The following ASH1L variants were observed in gnomAD, a reference collection of about 807,000 sequenced individuals.
ASH1L encodes the protein histone-lysine N-methyltransferase ASH1L.
In ASH1L, 23 loss-of-function variants were observed where a neutral mutation model predicts 269.0. That is an observed-to-expected ratio of 0.09 (90% CI 0.06 to 0.12). The LOEUF is 0.12. ASH1L is among the 10% of genes least tolerant of loss of function. ASH1L has a pLI of 1.00. For missense variants in ASH1L, 2,912 were observed against 3,567.8 expected (o/e 0.82, Z 4.68); for synonymous variants, 1,187 against 1,253.5 (o/e 0.95, Z 1.12).
rs1228257284 is a variant in ASH1L at position 155,492,390 on chromosome 1, T to A, written c.421-9941A>T. 2.6e-5 allele frequency among the ~76,000 whole-genome samples: 4 copies of A among 152,232 alleles called. No individual in the cohort carries two copies. In the South Asian group the frequency reaches 8.3e-4, roughly 32 times the overall value. ...ATCATGTCCTTCTAGACGACAATCT[T>A]CACTACACTTTCAATTAATTATTTT... On this transcript the variant is annotated intron_variant, in intron 2 of 27. Transcript: ENST00000392403.
chr1:155,409,823 C>G (rs1659616724), intron 6 of ASH1L, among the ~76,000 whole-genome samples: 1 of 151,820 alleles, frequency 6.6e-6, no homozygotes. Context: ...CAAAGAAATC[C>G]AAAATGAAGG....
intron 6 of ASH1L, among the ~76,000 whole-genome samples, chr1:155,413,056 A>AC (rs1659928567): frequency 6.6e-6 from 1 of 152,164 alleles, no homozygotes; most frequent in Non-Finnish European, 1.5e-5. Flanking sequence ...TTTATTTAGC[A>AC]GAAAAGTTGA....
chr1:155,512,448 C>CTTTTT (rs1217608016), intron 2 of ASH1L, among the ~76,000 whole-genome samples: 2 of 93,694 alleles, frequency 2.1e-5, no homozygotes, highest in Non-Finnish European at 4.0e-5. Flanking sequence ...GGATCTTAGA[C>CTTTTT]TTTTTTTTTT....
chr1:155,481,530 T>A lies in ASH1L; in HGVS notation c.1340A>T (p.Gln447Leu). 6.2e-7 allele frequency: 1 copy of A among 1,614,192 alleles called. No individual in the cohort carries two copies. The highest frequency in any genetic ancestry group is 1.3e-5 in the African/African-American group (1 of 75,060). ...GGATTCAGAAAGTTCCTGACTTTCC[T>A]GATTATTGATGTTTGTACTACAAGA... ...KASCSTNINN[Q>L]ESQELSESLK... Residue 447 changes from glutamine to leucine, a missense_variant, in exon 3 of 28, where the codon CAG becomes CTG. Coordinates refer to ENST00000392403, the MANE Select transcript of ASH1L (RefSeq NM_018489.3).
chr1:155,376,918 T>G lies in ASH1L; in HGVS notation c.6332+1363A>C, dbSNP rs73008961. On this transcript the variant is annotated intron_variant, in intron 10 of 27. Transcript: ENST00000392403. ...GTCATAACTCATAATTCTTTTTTTTTGGGGGGGAGATGGAGTTTCCCTCTT... is the reference window on the plus strand; with the variant it reads ...GTCATAACTCATAATTCTTTTTTTTGGGGGGGGAGATGGAGTTTCCCTCTT... Among the ~76,000 whole-genome samples the G allele has an allele frequency of 3.4e-3, 511 of 150,972 alleles. 3 individuals carry two copies. The highest frequency in any genetic ancestry group is 7.7e-3 in the African/African-American group (316 of 41,248).
chr1:155,378,028 A>C (rs138898231), intron 10 of ASH1L, among the ~76,000 whole-genome samples: 2,992 of 151,932 alleles, frequency 0.02, 40 homozygotes, highest in African/African-American at 0.033. Flanking sequence ...GTCTCAAAAA[A>C]AAAACAAAAC....
chr1:155,483,828 G>A (rs964826898), intron 2 of ASH1L, among the ~76,000 whole-genome samples: 3 of 151,998 alleles, frequency 2.0e-5, no homozygotes, highest in African/African-American at 7.2e-5. Flanking sequence ...AACAAAAGTA[G>A]GAGGAGTAGG....
In ASH1L at chr1:155,481,018, C is replaced by G. The variant is rs1218824264; in HGVS notation, c.1852G>C (p.Val618Leu). 1 of 1,613,908 alleles carries G rather than the reference C, an allele frequency of 6.2e-7. No homozygotes were observed. The change falls in exon 3 of 28, where the codon GTT becomes CTT. Residue 618 changes from valine (V) to leucine (L), a missense_variant. By Grantham distance (32) the Val-to-Leu change is conservative. This residue lies in a region of ASH1L where 715 missense variants were observed against 721.0 expected (regional missense o/e 0.99). Coordinates refer to ENST00000392403, the MANE Select transcript of ASH1L (RefSeq NM_018489.3). ...STHLNVGHRS[V>L]GHSISIECKG... Reference sequence around the variant, plus strand: ...CATTCAATACTTATACTATGACCAACTGACCTATGACCAACGTTCAAGTGG... The same window carrying G: ...CATTCAATACTTATACTATGACCAAGTGACCTATGACCAACGTTCAAGTGG...
chr1:155,522,191 G>A (rs927303987), intron 1 of ASH1L, among the ~76,000 whole-genome samples: 7 of 152,160 alleles, frequency 4.6e-5, no homozygotes, highest in Non-Finnish European at 8.8e-5. Flanking sequence ...TTTTAGAAGA[G>A]ATTATCAGGC....
chr1:155,556,425 TG>T (rs1671593067), intron 1 of ASH1L, among the ~76,000 whole-genome samples: 1 of 151,632 alleles, frequency 6.6e-6, no homozygotes, highest in African/African-American at 2.4e-5. Context: ...TGTGTGTGTG[TG>T]TGTGTGTGTG....
chr1:155,493,573 A>G (rs1666952451), intron 2 of ASH1L, among the ~76,000 whole-genome samples: 1 of 152,228 alleles, frequency 6.6e-6, no homozygotes, highest in Non-Finnish European at 1.5e-5. Flanking sequence ...CTTCATCAAT[A>G]ATTCATTTTT....
Position 155,416,998 on chromosome 1 carries a change from C to T in ASH1L, c.5829-1075G>A, listed in dbSNP as rs1159686091. On this transcript the variant is annotated intron_variant, in intron 5 of 27. Transcript: ENST00000392403. ...CCAGGCTGGAGTGCAGTGGTGTGAT[C>T]TCGGCTCACTGCAACCTCCGCCTCC... Among the ~76,000 whole-genome samples the T allele has an allele frequency of 2.1e-5, 3 of 145,054 alleles. No individual in the cohort carries two copies. The East Asian group carries it at 6.2e-4, about 30-fold the overall frequency.
At chr1:155,472,546 T>C (rs1665182014) in intron 3 of ASH1L, among the ~76,000 whole-genome samples, 1 of 152,286 alleles carries the variant, frequency 6.6e-6, no homozygotes, top group Middle Eastern at 3.4e-3. Flanking sequence ...CTCCTTCTCA[T>C]GACTCTGAAA....
At chr1:155,390,632 T>TC (rs538641218) in intron 7 of ASH1L, among the ~76,000 whole-genome samples, 1,787 of 98,290 alleles carry the variant, frequency 0.018, 20 homozygotes, top group South Asian at 0.03. Flanking sequence ...AATATCATTC[T>TC]CCCCCCCCCC....
At chr1:155,462,610 T>C (rs1386334205) in intron 3 of ASH1L, among the ~76,000 whole-genome samples, 1 of 152,162 alleles carries the variant, frequency 6.6e-6, no homozygotes, top group Non-Finnish European at 1.5e-5. Flanking sequence ...CTGAAACAAT[T>C]GAGAGAGAGA....
chr1:155,449,400 A>G (rs771136854), intron 4 of ASH1L, among the ~76,000 whole-genome samples: 39 of 152,244 alleles, frequency 2.6e-4, no homozygotes, highest in Non-Finnish European at 4.0e-4. Flanking sequence ...TTGTGGTCTG[A>G]AAATATATTC....
chr1:155,524,521 CAAA>C (rs749990170), intron 1 of ASH1L, among the ~76,000 whole-genome samples: 9 of 57,260 alleles, frequency 1.6e-4, no homozygotes, highest in African/African-American at 1.3e-4. Context: ...GACTCCGTCT[CAAA>C]AAAAAAAAAA....
chr1:155,455,166 T>TA (rs1198392964), intron 4 of ASH1L, among the ~76,000 whole-genome samples: 1 of 152,044 alleles, frequency 6.6e-6, no homozygotes, highest in Non-Finnish European at 1.5e-5. Flanking sequence ...TACAAATATT[T>TA]AAAAAAAGAC....
chr1:155,529,636 T>C (rs1427680318), intron 1 of ASH1L, among the ~76,000 whole-genome samples: 1 of 152,196 alleles, frequency 6.6e-6, no homozygotes, highest in East Asian at 1.9e-4. Context: ...ACTGGTTCCT[T>C]GCTTCAACCC....
Sources: allele counts gnomAD v4.1 joint callset (sites outside exome capture counted in the v4.1 genomes callset), GRCh38; gene constraint gnomAD v4.1.1; regional missense constraint gnomAD v4.1.1; transcripts MANE v1.5; gene names NCBI Gene and HGNC (gene_info 2026-07-23, HGNC 2026-07-21).